Variants in TP73 observed in about 807,000 individuals in gnomAD.
The protein encoded by TP73 is tumor protein p73.
A neutral mutation model predicts 62.5 loss-of-function variants in TP73; 25 were observed. That is an observed-to-expected ratio of 0.40 (90% confidence interval 0.29 to 0.56). TP73 has a LOEUF of 0.56. TP73 is among the 20% of genes least tolerant of loss of function. The probability of loss-of-function intolerance (pLI) is 0.46; values close to 1 mark genes in which losing one functional copy is unlikely to be tolerated. For synonymous variants in TP73, 423 were observed against 377.5 expected, an observed-to-expected ratio of 1.12 and a Z score of -1.40; for missense variants, 754 against 913.3, an observed-to-expected ratio of 0.83 and a Z score of 2.25.
intron 3 of TP73, among the ~76,000 whole-genome samples, chr1:3,703,800 G>A (rs890907945): frequency 1.3e-5 from 2 of 152,212 alleles, no homozygotes; most frequent in African/African-American, 4.8e-5. Flanking sequence ...GACCTGAGAA[G>A]CCTCAGCTGG....
intron 4 of TP73, among the ~76,000 whole-genome samples, chr1:3,710,741 GCACA>G (rs201364887): frequency 3.3e-5 from 5 of 152,190 alleles, no homozygotes; most frequent in Non-Finnish European, 5.9e-5. Flanking sequence ...ACACGCATGT[GCACA>G]CACACAGACA....
chr1:3,680,949 T>C (rs1007333737), intron 1 of TP73, among the ~76,000 whole-genome samples: 1 of 152,258 alleles, frequency 6.6e-6, no homozygotes, highest in Non-Finnish European at 1.5e-5. Context: ...CTTACAGCCG[T>C]GTGACCTCAC....
intron 1 of TP73, among the ~76,000 whole-genome samples, chr1:3,679,483 ATC>A (rs1232329562): frequency 1.4e-5 from 2 of 140,368 alleles, no homozygotes; most frequent in African/African-American, 5.3e-5. Context: ...GTCTCTCTCC[ATC>A]TCTCTCTGTC....
chr1:3,686,060 C>T (rs994819775), intron 3 of TP73, among the ~76,000 whole-genome samples: 1 of 152,230 alleles, frequency 6.6e-6, no homozygotes, highest in East Asian at 1.9e-4. Flanking sequence ...TGCACACGCA[C>T]CTGCCCCCAC....
chr1:3,700,041 C>T (rs916063373), intron 3 of TP73, among the ~76,000 whole-genome samples: 10 of 151,938 alleles, frequency 6.6e-5, no homozygotes, highest in Non-Finnish European at 7.4e-5. Flanking sequence ...TGGGGTCCCT[C>T]GGGAAGCTGT....
intron 3 of TP73, among the ~76,000 whole-genome samples, chr1:3,687,253 G>A (rs368402519): frequency 2.6e-5 from 4 of 152,230 alleles, no homozygotes; most frequent in African/African-American, 9.6e-5. Context: ...AGGAGCCACA[G>A]CTAAAACTGG....
At chr1:3,700,004 A>G (rs1639022841) in intron 3 of TP73, among the ~76,000 whole-genome samples, 1 of 151,708 alleles carries the variant, frequency 6.6e-6, no homozygotes, top group Non-Finnish European at 1.5e-5. Flanking sequence ...CATCCTTGGG[A>G]GCTGTCCTGG....
At chr1:3,659,798 C>T (rs1644951616) in intron 1 of TP73, among the ~76,000 whole-genome samples, 2 of 152,098 alleles carry the variant, frequency 1.3e-5, no homozygotes, top group Non-Finnish European at 1.5e-5. Context: ...TCTCCTGCCT[C>T]AGCCTCCTGG....
chr1:3,727,295 G>C, intron 7 of TP73, 71 bp downstream of exon 7: 1 of 1,433,036 alleles, frequency 7.0e-7, no homozygotes, highest in South Asian at 1.2e-5. Flanking sequence ...AAGGGGAGCT[G>C]TCATGGAGAC....
chr1:3,687,626 CAG>C (rs1367619114), intron 3 of TP73, among the ~76,000 whole-genome samples: 1 of 152,168 alleles, frequency 6.6e-6, no homozygotes, highest in Non-Finnish European at 1.5e-5. Context: ...AGGGAGGACA[CAG>C]GAGGGGAGAA....
At chr1:3,673,083 C>T (rs952428237) in intron 1 of TP73, among the ~76,000 whole-genome samples, 6 of 152,360 alleles carry the variant, frequency 3.9e-5, no homozygotes, top group East Asian at 3.9e-4. Context: ...TGCATGCCCC[C>T]GGGCATGGAG....
chr1:3,721,968 C>T, intron 4 of TP73, 53 bp from the exon 5 acceptor site: 1 of 1,529,040 alleles, frequency 6.5e-7, no homozygotes, highest in Non-Finnish European at 8.8e-7. Context: ...GTGGCCTGGA[C>T]AGGGGTGCAG....
chr1:3,698,311 C>T (rs1010519136), intron 3 of TP73, among the ~76,000 whole-genome samples: 1 of 152,150 alleles, frequency 6.6e-6, no homozygotes, highest in African/African-American at 2.4e-5. Flanking sequence ...CCCGGGCACT[C>T]GGCATTCTGG....
chr1:3,659,076 G>A (rs1471771545), intron 1 of TP73: 2 of 151,728 alleles, frequency 1.3e-5, no homozygotes, highest in Non-Finnish European at 2.9e-5. Context: ...GAGCCCCATT[G>A]TTTCCTAGTC....
At chr1:3,726,912 TGGATGGAC>T (rs1272947630) in intron 6 of TP73, among the ~76,000 whole-genome samples, 195 bp from the exon 7 acceptor site, 17 of 148,720 alleles carry the variant, frequency 1.1e-4, no homozygotes, top group African/African-American at 4.0e-4. Context: ...GATGGATGGA[TGGATGGAC>T]GGATGGATGG....
At chr1:3,691,984 C>T (rs546329402) in intron 3 of TP73, among the ~76,000 whole-genome samples, 392 of 151,848 alleles carry the variant, frequency 2.6e-3, no homozygotes, top group African/African-American at 9.0e-3. Flanking sequence ...TATTGGTGTG[C>T]GTGCATGTGT....
chr1:3,699,312 G>A lies in TP73; in HGVS notation c.187-8237G>A, dbSNP rs1638956707. ...TCACTCACCCCTGGGTGAGGTTGGGGCCCAAGTTCAGACATGCCCACGAGA... is the reference window on the plus strand; with the variant it reads ...TCACTCACCCCTGGGTGAGGTTGGGACCCAAGTTCAGACATGCCCACGAGA... On this transcript the variant is annotated intron_variant, in intron 3 of 13. Coordinates refer to ENST00000378295, the MANE Select transcript of TP73 (RefSeq NM_005427.4). The surrounding 1 kb of genome is among the most constrained non-coding windows in gnomAD (Gnocchi z 4.1). 6.6e-6 allele frequency among the ~76,000 whole-genome samples: 1 copy of A among 152,138 alleles called. No homozygotes were observed. Among genetic ancestry groups the A allele is most frequent in the South Asian group, 2.1e-4 (1 of 4,828 alleles).
intron 3 of TP73, chr1:3,698,227 G>A: frequency 1.5e-6 from 1 of 660,386 alleles, no homozygotes; most frequent in Non-Finnish European, 1.9e-6. Context: ...ACCTGGGTTG[G>A]GCTCTGGGGT....
intron 1 of TP73, among the ~76,000 whole-genome samples, chr1:3,674,225 G>A (rs1340017605): frequency 6.6e-6 from 1 of 152,176 alleles, no homozygotes; most frequent in Non-Finnish European, 1.5e-5. Flanking sequence ...AAGCTTCTGG[G>A]GTGAGGCTCA....
Sources: gnomAD v4.1 joint callset for allele counts (sites outside exome capture counted in the v4.1 genomes callset) on GRCh38, gnomAD v4.1.1 for gene constraint, Gnocchi (gnomAD v3.1) non-coding constraint, MANE v1.5 for transcripts, NCBI Gene and HGNC (gene_info 2026-07-23, HGNC 2026-07-21) for gene names.